The following NCKAP1L variants were observed in gnomAD, a reference collection of about 807,000 sequenced individuals.
NCKAP1L encodes NCK associated protein 1 like.
Under a neutral mutation model 139.2 loss-of-function variants are expected in NCKAP1L, and 53 were observed. The ratio of observed to expected loss-of-function variants is 0.38; its 90% CI spans 0.31 to 0.48. The LOEUF is 0.48. Among genes scored for constraint, NCKAP1L ranks in the 20% least tolerant of loss-of-function variants. NCKAP1L has a pLI of 0.98. For synonymous variants in NCKAP1L, 468 were observed against 499.7 expected, an observed-to-expected ratio of 0.94 and a Z score of 0.85; for missense variants, 1,151 against 1,381.9, an observed-to-expected ratio of 0.83 and a Z score of 2.65.
chr12:54,497,789 C>G lies in NCKAP1L; in HGVS notation c.-1C>G. The G allele has an allele frequency of 6.2e-7, 1 of 1,602,110 alleles. No homozygotes were observed. ...CTGGTGCTCCTCTCTCAGTGGCCAT[C>G]ATGTCTTTGACATCTGCTTACCAGC... is the stretch of plus-strand genomic sequence containing the variant. On this transcript the variant is annotated 5_prime_UTR_variant, in exon 1 of 31. The change creates a new upstream start codon in the 5' untranslated region. Coordinates refer to ENST00000293373, the MANE Select transcript of NCKAP1L (RefSeq NM_005337.5).
chr12:54,508,310 T>C, intron 4 of NCKAP1L, 79 bp from the exon 5 acceptor site: 1 of 1,378,776 alleles, frequency 7.3e-7, no homozygotes, highest in Non-Finnish European at 1.0e-6. Context: ...TTGAGCACTG[T>C]CCAGAGTGGT....
At chr12:54,527,052 A>G (rs1644220508) in intron 21 of NCKAP1L, among the ~76,000 whole-genome samples, 1 of 152,140 alleles carries the variant, frequency 6.6e-6, no homozygotes, top group African/African-American at 2.4e-5. Flanking sequence ...TCAATTTCAA[A>G]TGATCTCTCT....
rs3817412 is a variant in NCKAP1L, at chr12:54,543,576, T to C, written c.*891T>C. The C allele has an allele frequency of 0.86, 131,087 of 152,170 alleles. 56,514 individuals are homozygous for C. The highest frequency in any genetic ancestry group is 0.92 in the Middle Eastern group (271 of 294). The allele number at this position is 152,170 out of a possible 1,614,324, so 9.4% of individuals were successfully genotyped here. A position where few individuals can be genotyped will look rare whatever the true frequency, so the allele number is the denominator to read the frequency against. On this transcript the variant is annotated 3_prime_UTR_variant, in exon 31 of 31. Coordinates refer to ENST00000293373, the MANE Select transcript of NCKAP1L (RefSeq NM_005337.5). ...CCAAATCCTTTTGTCAGCCTGGGTATAGCTGTTGCTCCAGGAAGGGATTTC... is the reference window on the plus strand; with the variant it reads ...CCAAATCCTTTTGTCAGCCTGGGTACAGCTGTTGCTCCAGGAAGGGATTTC...
chr12:54,521,085 T>C (rs1441665465), intron 17 of NCKAP1L, 34 bp from the exon 18 acceptor site: 7 of 1,613,268 alleles, frequency 4.3e-6, no homozygotes, highest in Non-Finnish European at 5.1e-6. Flanking sequence ...GTGCTGGTGA[T>C]GACAGTCTCT....
In NCKAP1L at chr12:54,536,956, A is replaced by T. The variant is rs774350833; in HGVS notation, c.3086A>T (p.Asn1029Ile). The T allele has an allele frequency of 6.2e-7, 1 of 1,611,534 alleles. No homozygotes were observed. Among genetic ancestry groups the T allele is most frequent in the Non-Finnish European group, 8.5e-7 (1 of 1,177,976 alleles). ...AATAATAACCTAGGTTACAACAACAATATTCATTGCTTGACCAAAGCCATC... is the reference window on the plus strand; with the variant it reads ...AATAATAACCTAGGTTACAACAACATTATTCATTGCTTGACCAAAGCCATC... ...YSIEKDGYNN[N>I]IHCLTKAIIQ... is the part of the protein sequence containing the mutation. Residue 1029 changes from asparagine to isoleucine, a missense_variant, in exon 29 of 31, where the codon AAT becomes ATT. Coordinates refer to ENST00000293373, the MANE Select transcript of NCKAP1L (RefSeq NM_005337.5).
At chr12:54,501,869 G>A (rs1018566861) in intron 3 of NCKAP1L, among the ~76,000 whole-genome samples, 16 of 152,128 alleles carry the variant, frequency 1.1e-4, no homozygotes, top group Admixed American at 9.8e-4. Context: ...GTGCATAAGG[G>A]CTATAATTCC....
At chr12:54,500,927 C>T (rs1294155513) in intron 3 of NCKAP1L, 1 of 205,550 alleles carries the variant, frequency 4.9e-6, no homozygotes, top group African/African-American at 2.3e-5. Flanking sequence ...TTATGACTGG[C>T]TTCAATTTAG....
In NCKAP1L at chr12:54,535,307, G is replaced by A. The variant is rs188978991; in HGVS notation, c.2956+110G>A. The A allele has an allele frequency of 4.2e-5, 32 of 769,710 alleles. No homozygotes were observed. The Admixed American group carries it at 7.8e-4, about 19-fold the overall frequency. The allele number at this position is 769,710 out of a possible 1,614,324, so 47.7% of individuals were successfully genotyped here. A position where few individuals can be genotyped will look rare whatever the true frequency, so the allele number is the denominator to read the frequency against. ...CTTTATTTGAGATTATATATTCAGA[G>A]GATATAAGCTGGGAGTGAAGGAAGG... On this transcript the variant is annotated intron_variant, in intron 27 of 30. Coordinates refer to ENST00000293373, the MANE Select transcript of NCKAP1L (RefSeq NM_005337.5).
chr12:54,537,111 C>A, intron 29 of NCKAP1L, 58 bp downstream of exon 29: 1 of 1,189,326 alleles, frequency 8.4e-7, no homozygotes, highest in Non-Finnish European at 1.2e-6. Flanking sequence ...ATTGGTTTGA[C>A]TTAAATCTGT....
At chr12:54,523,651 G>C (rs924119344) in intron 19 of NCKAP1L, 112 bp downstream of exon 19, 1 of 1,466,930 alleles carries the variant, frequency 6.8e-7, no homozygotes, top group African/African-American at 1.4e-5. Context: ...TGGGGAATGA[G>C]GGGCATGGAA....
chr12:54,525,548 T>G (rs1004420184), intron 20 of NCKAP1L, among the ~76,000 whole-genome samples: 1 of 152,222 alleles, frequency 6.6e-6, no homozygotes, highest in African/African-American at 2.4e-5. Context: ...GAATAATCTC[T>G]GATACTTGCT....
chr12:54,523,957 G>C lies in NCKAP1L; in HGVS notation c.2156+1G>C. ...GCCACCTGGAGGCCAGACTCAACAGGTATCACTCTTTCCTTGTCCTCTGTT... is the reference window on the plus strand; with the variant it reads ...GCCACCTGGAGGCCAGACTCAACAGCTATCACTCTTTCCTTGTCCTCTGTT... On this transcript the variant is annotated splice_donor_variant, in intron 20 of 30. Transcript: ENST00000293373. LOFTEE classifies it high-confidence loss of function. 1 of 1,613,186 alleles carries C rather than the reference G, an allele frequency of 6.2e-7. No homozygotes were observed. Among genetic ancestry groups the C allele is most frequent in the Non-Finnish European group, 8.5e-7 (1 of 1,179,558 alleles).
chr12:54,529,371 C>T (rs980118648), intron 22 of NCKAP1L, among the ~76,000 whole-genome samples: 2 of 152,114 alleles, frequency 1.3e-5, no homozygotes, highest in East Asian at 3.9e-4. Context: ...CTACAAGATC[C>T]TTTTTAATAG....
rs769378391 is a variant in NCKAP1L, at chr12:54,526,517, A to T, written c.2157-11A>T. On this transcript the variant is annotated splice_polypyrimidine_tract_variant and intron_variant, in intron 20 of 30. Transcript: ENST00000293373. ...ATTGTAATTCTAATTTTTTTTTTTT[A>T]AATCACCTAGAGCCATTGTGTGGCT... The T allele has an allele frequency of 1.4e-4, 221 of 1,565,184 alleles. No homozygotes were observed. In the African/African-American group the frequency reaches 1.5e-3, roughly 10 times the overall value.
chr12:54,517,063 C>T lies in NCKAP1L; in HGVS notation c.1095+71C>T, dbSNP rs112042987. ...AGACTGTGTAGCTACGTGGCACTCA[C>T]GAGATTTTGCCTTTCTGAGTCTTTT... On this transcript the variant is annotated intron_variant, in intron 11 of 30. Transcript: ENST00000293373. 462 of 1,330,378 alleles carry T rather than the reference C, an allele frequency of 3.5e-4. 3 individuals carry two copies. In the African/African-American group the frequency reaches 5.8e-3, roughly 17 times the overall value. The allele number at this position is 1,330,378 out of a possible 1,614,324, so 82.4% of individuals were successfully genotyped here. A position where few individuals can be genotyped will look rare whatever the true frequency, so the allele number is the denominator to read the frequency against.
At chr12:54,499,846 T>G (rs141519201) in intron 2 of NCKAP1L, among the ~76,000 whole-genome samples, 1 of 152,372 alleles carries the variant, frequency 6.6e-6, no homozygotes, top group African/African-American at 2.4e-5. Context: ...ATGGGATATC[T>G]CTACTTTTCC....
intron 30 of NCKAP1L, among the ~76,000 whole-genome samples, chr12:54,540,227 G>T (rs952827629): frequency 1.3e-5 from 2 of 152,196 alleles, no homozygotes; most frequent in Admixed American, 1.3e-4. Flanking sequence ...AATGCTAGGG[G>T]CCAGGGATTC....
rs532075535 is a variant in NCKAP1L at position 54,525,949 on chromosome 12, G to C, written c.2157-579G>C. Among the ~76,000 whole-genome samples the C allele has an allele frequency of 2.6e-5, 4 of 152,234 alleles. No homozygotes were observed. In the East Asian group the frequency reaches 7.7e-4, roughly 29 times the overall value. ...GCTGGTGTGCCCCTACAATAATATA[G>C]TGTGGATAGTTATTCTCCCCTCTCT... On this transcript the variant is annotated intron_variant, in intron 20 of 30. Transcript: ENST00000293373.
At chr12:54,507,818 T>G in intron 3 of NCKAP1L, 35 bp from the exon 4 acceptor site, 1 of 1,603,336 alleles carries the variant, frequency 6.2e-7, no homozygotes, top group Non-Finnish European at 8.5e-7. Context: ...TCTCTTTGAT[T>G]TTTTATTAAT....
Sources: gnomAD v4.1 joint callset for allele counts (sites outside exome capture counted in the v4.1 genomes callset) on GRCh38, gnomAD v4.1.1 for gene constraint, MANE v1.5 for transcripts, NCBI Gene and HGNC (gene_info 2026-07-23, HGNC 2026-07-21) for gene names.